Variants in DYM observed in about 807,000 individuals in gnomAD.
The protein encoded by DYM is dyggve-Melchior-Clausen syndrome protein.
In DYM, 78 loss-of-function variants were observed where a neutral mutation model predicts 93.1. The ratio of observed to expected loss-of-function variants is 0.84; its 90% CI spans 0.70 to 1.01. DYM has a LOEUF of 1.01. Among genes scored for constraint, DYM ranks in the 50% least tolerant of loss-of-function variants. The pLI, the probability that DYM is intolerant of heterozygous loss-of-function variation, is 0.00. For missense variants in DYM, 789 were observed against 845.0 expected (o/e 0.93, Z 0.82); for synonymous variants, 321 against 319.7 (o/e 1.00, Z -0.04).
At chr18:49,264,122 T>G (rs1206577903) in intron 11 of DYM, among the ~76,000 whole-genome samples, 5 of 151,516 alleles carry the variant, frequency 3.3e-5, no homozygotes, top group Non-Finnish European at 7.4e-5. Flanking sequence ...TTTTTTGAGT[T>G]TTATTATCAA....
intron 13 of DYM, among the ~76,000 whole-genome samples, chr18:49,217,089 G>A (rs949659859): frequency 6.6e-6 from 1 of 152,198 alleles, no homozygotes; most frequent in African/African-American, 2.4e-5. Flanking sequence ...GCCAAGGATC[G>A]AGAACTACAT....
chr18:49,319,379 T>C (rs1465014204), intron 8 of DYM, among the ~76,000 whole-genome samples: 1 of 152,206 alleles, frequency 6.6e-6, no homozygotes, highest in Non-Finnish European at 1.5e-5. Context: ...TCTGCACTTA[T>C]TATCCTTTTT....
intron 1 of DYM, among the ~76,000 whole-genome samples, chr18:49,444,581 C>T (rs1340311944): frequency 1.3e-5 from 2 of 152,186 alleles, no homozygotes; most frequent in East Asian, 3.8e-4. Flanking sequence ...TACTGCCACA[C>T]AAATATGCAG....
chr18:49,054,417 A>T (rs1421677790), intron 17 of DYM, among the ~76,000 whole-genome samples: 1 of 152,000 alleles, frequency 6.6e-6, no homozygotes, highest in Non-Finnish European at 1.5e-5. Context: ...AATTTGTTGT[A>T]TTTTTAGTAG....
chr18:49,307,660 T>C (rs576481109), intron 8 of DYM, among the ~76,000 whole-genome samples: 55 of 152,286 alleles, frequency 3.6e-4, no homozygotes, highest in Non-Finnish European at 5.6e-4. Context: ...GCAGAAAAGA[T>C]AGTTTACCTT....
At chr18:49,256,269 T>C (rs2094392786) in intron 13 of DYM, among the ~76,000 whole-genome samples, 1 of 151,986 alleles carries the variant, frequency 6.6e-6, no homozygotes, top group Non-Finnish European at 1.5e-5. Context: ...TGGAAGATAA[T>C]CCTGGATCAG....
chr18:49,325,898 T>G (rs1261745733), intron 8 of DYM, among the ~76,000 whole-genome samples: 1 of 152,144 alleles, frequency 6.6e-6, no homozygotes, highest in Non-Finnish European at 1.5e-5. Flanking sequence ...AGGGGTCCAT[T>G]AAATCCACCA....
At chr18:49,050,018 G>C (rs1420043488) in intron 17 of DYM, among the ~76,000 whole-genome samples, 1 of 152,044 alleles carries the variant, frequency 6.6e-6, no homozygotes, top group African/African-American at 2.4e-5. Flanking sequence ...TCAACTGGAG[G>C]GGAGAAGATT....
intron 13 of DYM, among the ~76,000 whole-genome samples, chr18:49,230,699 C>A (rs2093670044): frequency 6.6e-6 from 1 of 152,112 alleles, no homozygotes; most frequent in African/African-American, 2.4e-5. Context: ...AGGAAATAGT[C>A]AATGAAGCAC....
At chr18:49,341,084 C>T (rs1293103574) in intron 6 of DYM, among the ~76,000 whole-genome samples, 1 of 152,184 alleles carries the variant, frequency 6.6e-6, no homozygotes, top group African/African-American at 2.4e-5. Context: ...GCTAACTGAA[C>T]TAATCTACAT....
chr18:49,369,981 CA>C (rs2147497380), intron 5 of DYM, among the ~76,000 whole-genome samples: 1 of 152,294 alleles, frequency 6.6e-6, no homozygotes, highest in East Asian at 1.9e-4. Flanking sequence ...TAATCTCTTT[CA>C]AAACAGGAAT....
At chr18:49,225,553 A>G (rs1598754066) in intron 13 of DYM, among the ~76,000 whole-genome samples, 1 of 152,266 alleles carries the variant, frequency 6.6e-6, no homozygotes, top group East Asian at 1.9e-4. Context: ...TAATAATAAT[A>G]ATGAACCTCT....
At chr18:49,342,105 T>A (rs1165182027) in intron 6 of DYM, among the ~76,000 whole-genome samples, 1 of 152,154 alleles carries the variant, frequency 6.6e-6, no homozygotes, top group African/African-American at 2.4e-5. Context: ...TCCTGTTCAT[T>A]TGGGTTTTTG....
intron 13 of DYM, among the ~76,000 whole-genome samples, chr18:49,234,133 C>T (rs1448712562): frequency 6.8e-6 from 1 of 146,580 alleles, no homozygotes; most frequent in African/African-American, 2.6e-5. Flanking sequence ...CACCTCAAAA[C>T]AACAACAACA....
At chr18:49,161,706 A>C (rs568938300) in intron 15 of DYM, among the ~76,000 whole-genome samples, 1 of 152,340 alleles carries the variant, frequency 6.6e-6, no homozygotes, top group South Asian at 2.1e-4. Context: ...TATAAACTTA[A>C]TACCTTAAGG....
At chr18:49,403,999 T>G (rs1027197727) in intron 2 of DYM, among the ~76,000 whole-genome samples, 27 of 120,008 alleles carry the variant, frequency 2.2e-4, no homozygotes, top group East Asian at 4.1e-4. Flanking sequence ...GTTTTTTCTG[T>G]TTTTTTTTTG....
chr18:49,447,624 T>C (rs2082200444), intron 1 of DYM, among the ~76,000 whole-genome samples: 1 of 152,132 alleles, frequency 6.6e-6, no homozygotes, highest in African/African-American at 2.4e-5. Context: ...TGGCCGGCGC[T>C]ACCCCCTGGT....
chr18:49,128,293 A>C (rs2083028693), intron 15 of DYM, among the ~76,000 whole-genome samples: 1 of 152,228 alleles, frequency 6.6e-6, no homozygotes, highest in African/African-American at 2.4e-5. Context: ...AGAAGAGACA[A>C]GTGCGTACCA....
chr18:49,204,931 A>G (rs1461184270), intron 14 of DYM, among the ~76,000 whole-genome samples: 1 of 152,204 alleles, frequency 6.6e-6, no homozygotes, highest in Non-Finnish European at 1.5e-5. Context: ...GACTCAGAAC[A>G]AGATAAATTC....
Sources: gnomAD v4.1 joint callset for allele counts (sites outside exome capture counted in the v4.1 genomes callset) on GRCh38, gnomAD v4.1.1 for gene constraint, MANE v1.5 for transcripts, NCBI Gene and HGNC (gene_info 2026-07-23, HGNC 2026-07-21) for gene names.